The following MDH1B variants were observed in gnomAD, a reference collection of about 807,000 sequenced individuals.
MDH1B encodes putative malate dehydrogenase 1B.
Under a neutral mutation model 61.4 loss-of-function variants are expected in MDH1B, and 60 were observed. That is an observed-to-expected ratio of 0.98 (90% CI 0.79 to 1.21). MDH1B has a LOEUF of 1.21. Among genes scored for constraint, MDH1B ranks in the 50% most tolerant of loss-of-function variants. MDH1B has a pLI of 0.00. For missense variants in MDH1B, 587 were observed against 632.1 expected (o/e 0.93, Z 0.76); for synonymous variants, 236 against 218.7 (o/e 1.08, Z -0.70).
At chr2:206,745,730 CTTTTTTT>C (rs140066038) in intron 8 of MDH1B, 57 bp from the exon 9 acceptor site, 483 of 747,576 alleles carry the variant, frequency 6.5e-4, no homozygotes, top group Admixed American at 2.2e-3. Context: ...CTTAATTCTT[CTTTTTTT>C]TTTTTTTTTT....
intron 10 of MDH1B, among the ~76,000 whole-genome samples, chr2:206,740,303 C>T (rs1687737228): frequency 6.6e-6 from 1 of 152,130 alleles, no homozygotes; most frequent in South Asian, 2.1e-4. Context: ...TCACATACTG[C>T]ATTCTAACAA....
intron 2 of MDH1B, among the ~76,000 whole-genome samples, chr2:206,758,874 AC>A (rs2105950599): frequency 6.6e-6 from 1 of 151,634 alleles, no homozygotes; most frequent in East Asian, 1.9e-4. Flanking sequence ...TACAACATGC[AC>A]CTAAGTGATA....
chr2:206,753,940 T>G (rs1688601489), intron 5 of MDH1B, among the ~76,000 whole-genome samples: 1 of 149,690 alleles, frequency 6.7e-6, no homozygotes, highest in Non-Finnish European at 1.5e-5. Context: ...TAGTGTATCA[T>G]AGACTTTCTG....
At chr2:206,758,068 C>CT (rs1252067894) in intron 2 of MDH1B, among the ~76,000 whole-genome samples, 2 of 152,184 alleles carry the variant, frequency 1.3e-5, no homozygotes, top group African/African-American at 4.8e-5. Flanking sequence ...ATCTGCCTGC[C>CT]TTTATCTCAC....
chr2:206,747,621 C>G (rs1217045548), intron 7 of MDH1B, among the ~76,000 whole-genome samples: 1 of 152,198 alleles, frequency 6.6e-6, no homozygotes, highest in Non-Finnish European at 1.5e-5. Flanking sequence ...CCTTTGCCCT[C>G]AGGGTGCCAC....
chr2:206,760,925 G>C lies in MDH1B; in HGVS notation c.111C>G (p.Ile37Met), dbSNP rs1689055401. 2 of 1,610,714 alleles carry C rather than the reference G, an allele frequency of 1.2e-6. No homozygotes were observed. Among genetic ancestry groups the C allele is most frequent in the Non-Finnish European group, 8.5e-7 (1 of 1,177,230 alleles). ...CCTCCCAAACCTCAGGACGTTGTGT[G>C]ATTTTATGTATCCGAAAATCAGGAA... ...KNLPDFRIHK[I>M]TQRPEVWEDW... Residue 37 changes from isoleucine (I) to methionine (M), a missense_variant, in exon 2 of 12, where the codon ATC (isoleucine) becomes ATG (methionine). Physicochemically the swap from Ile to Met is conservative, Grantham distance 10. Coordinates refer to ENST00000374412, the MANE Select transcript of MDH1B (RefSeq NM_001039845.3).
At chr2:206,745,728 T>TTA in intron 8 of MDH1B, 55 bp from the exon 9 acceptor site, 132 of 1,131,384 alleles carry the variant, frequency 1.2e-4, no homozygotes, top group Non-Finnish European at 1.5e-4. Flanking sequence ...AACTTAATTC[T>TTA]TCTTTTTTTT....
chr2:206,748,926 G>T, intron 7 of MDH1B, 94 bp downstream of exon 7: 1 of 1,064,340 alleles, frequency 9.4e-7, no homozygotes, highest in Non-Finnish European at 1.4e-6. Context: ...AATGGACCAT[G>T]TTAAGAGCTA....
At position 206,755,099 on chromosome 2, in the gene MDH1B, G is replaced by A. The variant is rs545659170; in HGVS notation, c.820C>T (p.Arg274Cys). 7.4e-6 allele frequency: 12 copies of A among 1,614,208 alleles called. No individual in the cohort carries two copies. The highest frequency in any genetic ancestry group is 2.2e-5 in the South Asian group (2 of 91,092). Residue 274 changes from arginine to cysteine, a missense_variant, in exon 5 of 12, where the codon CGC becomes TGC. Transcript: ENST00000374412. ...ACAGCAATAATGTTGTGTGCAATGC[G>A]TGGGGCATATCTCATGAGTAAAACT... is the stretch of plus-strand genomic sequence containing the variant. ...KTVLLMRYAP[R>C]IAHNIIAVAL... is the part of the protein sequence containing the mutation.
chr2:206,758,056 A>C (rs1688865101), intron 2 of MDH1B, among the ~76,000 whole-genome samples: 2 of 152,188 alleles, frequency 1.3e-5, no homozygotes, highest in African/African-American at 4.8e-5. Flanking sequence ...CTAATATTGA[A>C]GATCTGCCTG....
In MDH1B at chr2:206,756,960, T is replaced by C; in HGVS notation, c.351A>G (p.Glu117=). The change falls in exon 4 of 12, where the codon GAA becomes GAG. Residue 117 remains glutamate, a synonymous_variant. Transcript: ENST00000374412. Reference sequence around the variant, plus strand: ...TCAGGGCTTCTTCCTCCTGCTCTTTTTCTATATGTGCCCCCAGGTTCTCTT... The same window carrying C: ...TCAGGGCTTCTTCCTCCTGCTCTTTCTCTATATGTGCCCCCAGGTTCTCTT... ...IAQENLGAHI[E]KEQEEEALKT... 3.1e-6 allele frequency: 5 copies of C among 1,614,158 alleles called. No individual in the cohort carries two copies. The highest frequency in any genetic ancestry group is 4.2e-6 in the Non-Finnish European group (5 of 1,180,006).
At chr2:206,756,813 T>C in intron 4 of MDH1B, 85 bp downstream of exon 4, 1 of 1,457,970 alleles carries the variant, frequency 6.9e-7, no homozygotes, top group Non-Finnish European at 9.5e-7. Flanking sequence ...TCAGGTATTC[T>C]TCCATCATGA....
chr2:206,765,166 G>C (rs1433754659), intron 1 of MDH1B, 84 bp downstream of exon 1: 3 of 1,537,348 alleles, frequency 2.0e-6, no homozygotes, highest in East Asian at 4.8e-5. Context: ...GGTCCGTATA[G>C]AGGCTGCCAA....
intron 4 of MDH1B, among the ~76,000 whole-genome samples, chr2:206,756,383 G>A (rs935529873): frequency 2.6e-5 from 4 of 152,128 alleles, no homozygotes; most frequent in African/African-American, 9.7e-5. Flanking sequence ...GAGAAGGGGA[G>A]GGAGAGAGAG....
At chr2:206,756,168 G>A (rs1397841387) in intron 4 of MDH1B, among the ~76,000 whole-genome samples, 1 of 152,114 alleles carries the variant, frequency 6.6e-6, no homozygotes, top group Non-Finnish European at 1.5e-5. Flanking sequence ...TATCTGTACC[G>A]ATTTAATCCT....
At chr2:206,757,429 C>T in intron 2 of MDH1B, 58 bp from the exon 3 acceptor site, 1 of 1,554,558 alleles carries the variant, frequency 6.4e-7, no homozygotes, top group East Asian at 2.3e-5. Context: ...AATTCAATTT[C>T]ATACTTTAGA....
Position 206,755,020 on chromosome 2 carries a change from G to A in MDH1B, c.899C>T (p.Thr300Ile). 3.1e-6 allele frequency: 5 copies of A among 1,612,188 alleles called. No individual in the cohort carries two copies. The highest frequency in any genetic ancestry group is 4.2e-6 in the Non-Finnish European group (5 of 1,178,394). ...AKAILARKLK[T>I]APSYIKDVII... ...AGACATTCACTCACATGAAGGAGCT[G>A]TCTTCAGTTTTCTGGCCAGTATGGC... Residue 300 changes from threonine to isoleucine, a missense_variant, in exon 5 of 12, where the codon ACA becomes ATA. By Grantham distance (89) the Thr-to-Ile change is moderately conservative. Transcript: ENST00000374412.
intron 5 of MDH1B, among the ~76,000 whole-genome samples, chr2:206,754,422 A>G (rs1473692040): frequency 6.6e-6 from 1 of 152,170 alleles, no homozygotes; most frequent in Non-Finnish European, 1.5e-5. Flanking sequence ...TACCATTCAA[A>G]GATTAATAGG....
chr2:206,744,826 G>A (rs1463297051), intron 9 of MDH1B, among the ~76,000 whole-genome samples: 1 of 152,114 alleles, frequency 6.6e-6, no homozygotes, highest in African/African-American at 2.4e-5. Flanking sequence ...TCAGGAGGCT[G>A]AGACAGGAGA....
Sources: allele counts gnomAD v4.1 joint callset (sites outside exome capture counted in the v4.1 genomes callset), GRCh38; gene constraint gnomAD v4.1.1; transcripts MANE v1.5; gene names NCBI Gene and HGNC (gene_info 2026-07-23, HGNC 2026-07-21).